The following WIF1 variants were observed in gnomAD, a reference collection of about 807,000 sequenced individuals.
The protein encoded by WIF1 is Wnt inhibitory factor 1.
Under a neutral mutation model 53.5 loss-of-function variants are expected in WIF1, and 35 were observed. The ratio of observed to expected loss-of-function variants is 0.65; its 90% confidence interval spans 0.50 to 0.87. The LOEUF is 0.87. Among genes scored for constraint, WIF1 ranks in the 40% least tolerant of loss-of-function variants. The pLI, the probability that WIF1 is intolerant of heterozygous loss-of-function variation, is 0.00. For synonymous variants in WIF1, 171 were observed against 170.4 expected, an observed-to-expected ratio of 1.00 and a Z score of -0.03; for missense variants, 467 against 476.8, an observed-to-expected ratio of 0.98 and a Z score of 0.19.
intron 6 of WIF1, among the ~76,000 whole-genome samples, chr12:65,063,445 C>T (rs1340829763): frequency 1.3e-5 from 2 of 152,006 alleles, no homozygotes; most frequent in Non-Finnish European, 2.9e-5. Context: ...GTTATATGAC[C>T]CATTTGTTCT....
chr12:65,080,855 A>G (rs2136623510), intron 2 of WIF1, among the ~76,000 whole-genome samples: 1 of 152,310 alleles, frequency 6.6e-6, no homozygotes, highest in African/African-American at 2.4e-5. Flanking sequence ...TTGCTACCCC[A>G]TAATTATATC....
chr12:65,089,932 T>A (rs545317582), intron 2 of WIF1, among the ~76,000 whole-genome samples: 4 of 119,930 alleles, frequency 3.3e-5, no homozygotes, highest in South Asian at 6.1e-4. Context: ...GAATCTGCAG[T>A]GACTAATCTA....
At chr12:65,063,439 T>A (rs1023608706) in intron 6 of WIF1, among the ~76,000 whole-genome samples, 2 of 152,216 alleles carry the variant, frequency 1.3e-5, no homozygotes, top group African/African-American at 4.8e-5. Context: ...ATTCCAGTTA[T>A]ATGACCCATT....
intron 2 of WIF1, among the ~76,000 whole-genome samples, chr12:65,097,359 T>C (rs1465341207): frequency 6.6e-6 from 1 of 152,152 alleles, no homozygotes; most frequent in Non-Finnish European, 1.5e-5. Flanking sequence ...CATTTCAAAA[T>C]TGATATTGAT....
chr12:65,109,464 G>T (rs1883397919), intron 2 of WIF1, among the ~76,000 whole-genome samples: 1 of 152,152 alleles, frequency 6.6e-6, no homozygotes, highest in South Asian at 2.1e-4. Context: ...GCTCCCACTT[G>T]CCCCTTTGGT....
chr12:65,061,163 T>C (rs541446401), intron 7 of WIF1, among the ~76,000 whole-genome samples: 2 of 152,316 alleles, frequency 1.3e-5, no homozygotes, highest in African/African-American at 4.8e-5. Flanking sequence ...ACATGTTCTA[T>C]GGAAACTTTA....
At chr12:65,092,772 G>T (rs557607269) in intron 2 of WIF1, among the ~76,000 whole-genome samples, 1 of 152,062 alleles carries the variant, frequency 6.6e-6, no homozygotes, top group East Asian at 1.9e-4. Flanking sequence ...CAGCTCATGG[G>T]GAAGCAATGC....
intron 2 of WIF1, among the ~76,000 whole-genome samples, chr12:65,084,624 A>G (rs187995825): frequency 1.3e-5 from 2 of 152,318 alleles, no homozygotes; most frequent in East Asian, 1.9e-4. Context: ...ATGGGACTAC[A>G]TATTTTTTCC....
rs1230281619 is a variant in WIF1 at position 65,092,498 on chromosome 12, ATATATGTGTG to A, written c.289-14654_289-14645del. Among the ~76,000 whole-genome samples, 387 of 38,986 alleles carry A rather than the reference ATATATGTGTG, an allele frequency of 9.9e-3. 1 individual carries two copies. Among genetic ancestry groups the A allele is most frequent in the African/African-American group, 0.029 (358 of 12,270 alleles). The allele number at this position is 38,986 out of a possible 152,430, so 25.6% of individuals were successfully genotyped here. On this transcript the variant is annotated intron_variant, in intron 2 of 9. Transcript: ENST00000286574. ...TGTGTGTGTATATATATGTGTGTATATATATGTGTGTATATATATATATATGCATGGTATG... is the reference window on the plus strand; with the variant it reads ...TGTGTGTGTATATATATGTGTGTATATATATATATATATATGCATGGTATG...
rs562024819 is a variant in WIF1 at position 65,062,516 on chromosome 12, C to A, written c.791G>T (p.Cys264Phe). The A allele has an allele frequency of 1.2e-6, 2 of 1,608,698 alleles. No individual in the cohort carries two copies. Among genetic ancestry groups the A allele is most frequent in the South Asian group, 1.1e-5 (1 of 90,080 alleles). ...GTCFYPGKCICPPGLEGEQCE... is the reference protein window; with the variant it reads ...GTCFYPGKCIFPPGLEGEQCE... ...CTGCTCTCCCTCTAGTCCTGGAGGG[C>A]AAATACATTTTCCAGGGTAGAAACA... is the stretch of plus-strand genomic sequence containing the variant. The change falls in exon 7 of 10, where the codon TGC becomes TTC. Residue 264 changes from cysteine (C) to phenylalanine (F), a missense_variant. Physicochemically the swap from Cys to Phe is radical, Grantham distance 205. Coordinates refer to ENST00000286574, the MANE Select transcript of WIF1 (RefSeq NM_007191.5).
intron 2 of WIF1, among the ~76,000 whole-genome samples, chr12:65,114,826 C>T (rs1883485106): frequency 6.6e-6 from 1 of 152,116 alleles, no homozygotes; most frequent in South Asian, 2.1e-4. Flanking sequence ...CTGTTCTTTT[C>T]CTGTATCCAC....
chr12:65,069,094 A>T (rs1882733379), intron 3 of WIF1, among the ~76,000 whole-genome samples, 190 bp from the exon 4 acceptor site: 1 of 152,192 alleles, frequency 6.6e-6, no homozygotes, highest in South Asian at 2.1e-4. Flanking sequence ...GCATCATGTC[A>T]GGTGAAGAAA....
chr12:65,064,566 G>A (rs1270796685), intron 6 of WIF1, among the ~76,000 whole-genome samples: 4 of 151,918 alleles, frequency 2.6e-5, no homozygotes, highest in Admixed American at 6.6e-5. Flanking sequence ...GAGAATTAAA[G>A]CATCTTTTTG....
At chr12:65,118,447 T>C (rs1234450999) in intron 2 of WIF1, among the ~76,000 whole-genome samples, 2 of 152,208 alleles carry the variant, frequency 1.3e-5, no homozygotes, top group African/African-American at 4.8e-5. Context: ...CTTGGTATTG[T>C]GTAGATTCTT....
intron 2 of WIF1, among the ~76,000 whole-genome samples, chr12:65,116,589 C>A (rs1233306112): frequency 6.6e-6 from 1 of 151,822 alleles, no homozygotes; most frequent in Non-Finnish European, 1.5e-5. Context: ...AGTGCACTAT[C>A]CATGTAATGC....
At chr12:65,095,264 C>T (rs1357235478) in intron 2 of WIF1, among the ~76,000 whole-genome samples, 2 of 151,930 alleles carry the variant, frequency 1.3e-5, no homozygotes, top group Non-Finnish European at 2.9e-5. Flanking sequence ...TATTTTGGAA[C>T]ATATTTGAAA....
Position 65,056,057 on chromosome 12 carries a change from C to A in WIF1, c.896G>T (p.Gly299Val), listed in dbSNP as rs1353647174. The change falls in exon 8 of 10, where the codon GGT (glycine) becomes GTT (valine). Residue 299 changes from glycine to valine, a missense_variant. Physicochemically the swap from Gly to Val is moderately radical, Grantham distance 109. Coordinates refer to ENST00000286574, the MANE Select transcript of WIF1 (RefSeq NM_007191.5). ...CTTTGAACAGAGGTCTCCCTGGTAA[C>A]CTTTGGAACACTTACATTTGCTTTT... ...IGKSKCKCSK[G>V]YQGDLCSKPV... 1.2e-6 allele frequency: 2 copies of A among 1,614,064 alleles called. No individual in the cohort carries two copies. Among genetic ancestry groups the A allele is most frequent in the South Asian group, 1.1e-5 (1 of 91,076 alleles).
At chr12:65,072,936 C>T (rs1331721563) in intron 3 of WIF1, among the ~76,000 whole-genome samples, 2 of 152,106 alleles carry the variant, frequency 1.3e-5, no homozygotes, top group African/African-American at 4.8e-5. Flanking sequence ...TAAAGCAGAT[C>T]GAATATAACT....
intron 2 of WIF1, among the ~76,000 whole-genome samples, chr12:65,099,591 CTCAGATATCA>C (rs1361289506): frequency 3.3e-5 from 5 of 152,194 alleles, no homozygotes; most frequent in Admixed American, 6.6e-5. Context: ...AGAGTCTTTA[CTCAGATATCA>C]AGACTGCTGG....
Sources: allele counts gnomAD v4.1 joint callset (sites outside exome capture counted in the v4.1 genomes callset), GRCh38; gene constraint gnomAD v4.1.1; transcripts MANE v1.5; gene names NCBI Gene and HGNC (gene_info 2026-07-23, HGNC 2026-07-21).